Variants in PATJ observed in about 807,000 individuals in gnomAD.
PATJ encodes PATJ crumbs cell polarity complex component, also known as inaD-like protein.
PATJ carries 190 observed loss-of-function variants against 224.9 expected under a neutral mutation model. The observed-to-expected ratio is 0.84, with a 90% CI of 0.75 to 0.95. The LOEUF (loss-of-function observed/expected upper bound fraction) is 0.95. Among genes scored for constraint, PATJ ranks in the 40% least tolerant of loss-of-function variants. The pLI, the probability that PATJ is intolerant of heterozygous loss-of-function variation, is 0.00. For synonymous variants in PATJ, 769 were observed against 820.3 expected (o/e 0.94, Z 1.07); for missense variants, 2,121 against 2,270.3 (o/e 0.93, Z 1.34).
chr1:62,051,128 T>G, intron 31 of PATJ, 70 bp downstream of exon 31: 1 of 1,136,582 alleles, frequency 8.8e-7, no homozygotes, highest in Non-Finnish European at 1.3e-6. Flanking sequence ...TGTACCACCT[T>G]GGAAAGAACC....
intron 27 of PATJ, among the ~76,000 whole-genome samples, chr1:61,949,713 C>T (rs1320561270): frequency 6.6e-6 from 1 of 151,708 alleles, no homozygotes; most frequent in Non-Finnish European, 1.5e-5. Flanking sequence ...TCGAGACCAG[C>T]CCGCTCAACA....
intron 27 of PATJ, among the ~76,000 whole-genome samples, chr1:61,959,581 G>A (rs1206034305): frequency 6.6e-6 from 1 of 150,658 alleles, no homozygotes; most frequent in East Asian, 2.0e-4. Context: ...ACCGACCACA[G>A]GTGCATGCCA....
chr1:62,076,669 A>G (rs1658359863), intron 31 of PATJ, among the ~76,000 whole-genome samples: 2 of 152,354 alleles, frequency 1.3e-5, no homozygotes, highest in South Asian at 4.1e-4. Flanking sequence ...CAGATGCTAC[A>G]TGAAACTGGG....
Position 62,036,871 on chromosome 1 carries a change from C to CAAAAAAAAAAAAAAAAAAAAAAAAAAA in PATJ, c.3960-1096_3960-1095insAAAAAAAAAAAAAAAAAAAAAAAAAAA, listed in dbSNP as rs55761910. On this transcript the variant is annotated intron_variant, in intron 29 of 43. Transcript: ENST00000642238. ...TTGGTGACAAAGTGAGACTCCATCT[C>CAAAAAAAAAAAAAAAAAAAAAAAAAAA]AAAAAAAAAAGAAGGAAGAAAGGAA... 3.5e-3 allele frequency among the ~76,000 whole-genome samples: 238 copies of CAAAAAAAAAAAAAAAAAAAAAAAAAAA among 67,286 alleles called. 18 individuals carry two copies. The highest frequency in any genetic ancestry group is 4.9e-3 in the Non-Finnish European group (182 of 36,798). 44.1% of individuals were successfully genotyped at this position (67,286 alleles called of 152,430 possible). A position where few individuals can be genotyped will look rare whatever the true frequency, so the allele number is the denominator to read the frequency against.
At chr1:61,786,816 T>C (rs970241471) in intron 7 of PATJ, among the ~76,000 whole-genome samples, 2 of 151,984 alleles carry the variant, frequency 1.3e-5, no homozygotes, top group Non-Finnish European at 2.9e-5. Flanking sequence ...TGAAACCCCA[T>C]CTCTACTAAA....
rs1338597312 is a variant in PATJ at position 62,128,045 on chromosome 1, T to C, written c.5117T>C (p.Ile1706Thr). ...CCCTTAGGAGATATCCCCGTATTTA[T>C]TGCCATGATTCAGGCTAGCGGAGTG... is the stretch of plus-strand genomic sequence containing the variant. The part of the protein sequence containing the change: ...GSPLGDIPVF[I>T]AMIQASGVAA... Residue 1706 changes from isoleucine to threonine, a missense_variant, in exon 40 of 44, where the codon ATT (isoleucine) becomes ACT (threonine). Ile to Thr is a moderately conservative substitution (Grantham distance 89). Transcript: ENST00000642238. The C allele has an allele frequency of 6.2e-7, 1 of 1,614,180 alleles. No individual in the cohort carries two copies.
intron 37 of PATJ, among the ~76,000 whole-genome samples, chr1:62,117,861 A>C (rs2148903464): frequency 6.6e-6 from 1 of 152,224 alleles, no homozygotes; most frequent in African/African-American, 2.4e-5. Flanking sequence ...ACATAATGAG[A>C]CTATAGAAAC....
chr1:61,821,383 ATCT>A (rs1390965084), intron 14 of PATJ, among the ~76,000 whole-genome samples: 3 of 152,132 alleles, frequency 2.0e-5, no homozygotes, highest in Non-Finnish European at 4.4e-5. Flanking sequence ...GAACTAGAAC[ATCT>A]TCTTGCCAGA....
intron 11 of PATJ, among the ~76,000 whole-genome samples, chr1:61,799,764 G>C (rs1371064047): frequency 6.6e-6 from 1 of 152,028 alleles, no homozygotes; most frequent in African/African-American, 2.4e-5. Flanking sequence ...CTGCATATCT[G>C]TGTGTACCCA....
At chr1:61,793,052 C>A (rs1193974063) in intron 9 of PATJ, among the ~76,000 whole-genome samples, 1 of 151,830 alleles carries the variant, frequency 6.6e-6, no homozygotes, top group East Asian at 1.9e-4. Context: ...ACACTTAGTT[C>A]TTTTTTAAAA....
At chr1:61,869,881 G>T (rs879553342) in intron 20 of PATJ, among the ~76,000 whole-genome samples, 1 of 152,230 alleles carries the variant, frequency 6.6e-6, no homozygotes, top group Non-Finnish European at 1.5e-5. Flanking sequence ...AAGCGCTTTT[G>T]GGTACTGGCA....
At chr1:61,794,066 C>T (rs1442262941) in intron 9 of PATJ, among the ~76,000 whole-genome samples, 1 of 151,690 alleles carries the variant, frequency 6.6e-6, no homozygotes, top group African/African-American at 2.4e-5. Flanking sequence ...TCATGCCCAG[C>T]TAATTTTTGT....
At chr1:61,814,423 G>A (rs545840085) in intron 14 of PATJ, among the ~76,000 whole-genome samples, 7 of 152,024 alleles carry the variant, frequency 4.6e-5, no homozygotes, top group South Asian at 2.1e-4. Context: ...GATTACAGGC[G>A]TGAGCCACCG....
At chr1:62,070,339 G>C (rs1256508808) in intron 31 of PATJ, among the ~76,000 whole-genome samples, 1 of 152,062 alleles carries the variant, frequency 6.6e-6, no homozygotes, top group African/African-American at 2.4e-5. Context: ...TAAAGTAAAG[G>C]CCACAGAGTC....
chr1:61,884,469 T>C, intron 22 of PATJ, 61 bp downstream of exon 22: 1 of 733,030 alleles, frequency 1.4e-6, no homozygotes, highest in Non-Finnish European at 2.0e-6. Flanking sequence ...TTTTTTTTTT[T>C]TTTTGCTTAA....
rs1409260209 is a variant in PATJ at position 61,856,117 on chromosome 1, G to A, written c.2200G>A (p.Gly734Arg). The change falls in exon 18 of 44, where the codon GGA (glycine) becomes AGA (arginine). Residue 734 changes from glycine to arginine, a missense_variant. Gly to Arg is a moderately radical substitution (Grantham distance 125). Coordinates refer to ENST00000642238, the MANE Select transcript of PATJ (RefSeq NM_001350145.3). ...VAERSGGLLP[G>R]DRLVSVNEYC... ...AGAAAGAAGTGGGGGACTATTACCT[G>A]GAGACCGCCTGGTCTCAGTCAATGA... 3 of 1,613,542 alleles carry A rather than the reference G, an allele frequency of 1.9e-6. No homozygotes were observed. The highest frequency in any genetic ancestry group is 1.7e-6 in the Non-Finnish European group (2 of 1,179,586).
intron 28 of PATJ, among the ~76,000 whole-genome samples, chr1:61,999,954 C>A (rs1569868728): frequency 6.6e-6 from 1 of 151,984 alleles, no homozygotes; most frequent in South Asian, 2.1e-4. Flanking sequence ...GTGATCGCAG[C>A]TCTGCAACCT....
chr1:62,001,073 T>C (rs1219927202), intron 28 of PATJ, among the ~76,000 whole-genome samples: 71 of 152,112 alleles, frequency 4.7e-4, no homozygotes, highest in Non-Finnish European at 1.5e-4. Context: ...GAGTTCATTA[T>C]AGATTCTGGA....
chr1:61,775,995 G>A (rs2148403212), intron 7 of PATJ, among the ~76,000 whole-genome samples: 1 of 152,302 alleles, frequency 6.6e-6, no homozygotes, highest in Non-Finnish European at 1.5e-5. Flanking sequence ...TAATCAGAAT[G>A]ATATGTAAAA....
Sources: allele counts gnomAD v4.1 joint callset (sites outside exome capture counted in the v4.1 genomes callset), GRCh38; gene constraint gnomAD v4.1.1; transcripts MANE v1.5; gene names NCBI Gene and HGNC (gene_info 2026-07-23, HGNC 2026-07-21).